Variants in UBE2E2 observed in about 807,000 individuals in gnomAD.
UBE2E2 encodes the protein ubiquitin-conjugating enzyme E2 E2.
UBE2E2 carries 6 observed loss-of-function variants against 24.7 expected under a neutral mutation model. The observed-to-expected ratio is 0.24, with a 90% CI of 0.13 to 0.48. The LOEUF (loss-of-function observed/expected upper bound fraction) is 0.48. UBE2E2 is among the 20% of genes least tolerant of loss of function. The pLI is 0.99. For synonymous variants in UBE2E2, 104 were observed against 83.6 expected, an observed-to-expected ratio of 1.24 and a Z score of -1.33; for missense variants, 169 against 245.0, an observed-to-expected ratio of 0.69 and a Z score of 2.07.
intron 3 of UBE2E2, among the ~76,000 whole-genome samples, chr3:23,228,431 T>G (rs1696881747): frequency 1.3e-5 from 2 of 152,196 alleles, no homozygotes; most frequent in African/African-American, 4.8e-5. Flanking sequence ...ATAGGAAGTG[T>G]CATATTACTC....
intron 3 of UBE2E2, among the ~76,000 whole-genome samples, chr3:23,268,072 A>G (rs983169600): frequency 1.4e-4 from 21 of 151,998 alleles, no homozygotes; most frequent in African/African-American, 4.8e-4. Context: ...AATAAGAGCT[A>G]TCTATGACAA....
intron 2 of UBE2E2, among the ~76,000 whole-genome samples, chr3:23,211,088 C>T (rs1352318696): frequency 6.6e-6 from 1 of 152,094 alleles, no homozygotes; most frequent in Non-Finnish European, 1.5e-5. Flanking sequence ...ACTGCCATGT[C>T]CACAGTGCCT....
intron 3 of UBE2E2, among the ~76,000 whole-genome samples, chr3:23,366,769 TAAAAA>T (rs879520118): frequency 1.3e-5 from 2 of 151,456 alleles, no homozygotes; most frequent in Non-Finnish European, 2.9e-5. Context: ...ACCTAAAAGT[TAAAAA>T]AAAGAAGAAA....
intron 5 of UBE2E2, among the ~76,000 whole-genome samples, chr3:23,571,801 C>G (rs1017009126): frequency 6.6e-6 from 1 of 152,138 alleles, no homozygotes; most frequent in Non-Finnish European, 1.5e-5. Context: ...CTCTTGGTAC[C>G]CTCCCGAAGT....
chr3:23,404,241 A>G (rs1175515192), intron 3 of UBE2E2, among the ~76,000 whole-genome samples: 2 of 152,164 alleles, frequency 1.3e-5, no homozygotes, highest in Non-Finnish European at 2.9e-5. Flanking sequence ...ATAAATAGCT[A>G]TATTGGTATT....
chr3:23,420,445 A>C (rs1448131444), intron 3 of UBE2E2, among the ~76,000 whole-genome samples: 1 of 152,248 alleles, frequency 6.6e-6, no homozygotes, highest in Non-Finnish European at 1.5e-5. Flanking sequence ...TCATAGTTTG[A>C]ATGACATATT....
At chr3:23,317,946 C>A (rs770303070) in intron 3 of UBE2E2, among the ~76,000 whole-genome samples, 1 of 151,680 alleles carries the variant, frequency 6.6e-6, no homozygotes, top group African/African-American at 2.4e-5. Context: ...TATGAAGGTG[C>A]TTTTTTGTGT....
At chr3:23,204,922 G>T in intron 1 of UBE2E2, 1 of 219,970 alleles carries the variant, frequency 4.5e-6, no homozygotes, top group Non-Finnish European at 7.7e-6. Context: ...AGTAGATACT[G>T]TTATAAGGCT....
intron 3 of UBE2E2, among the ~76,000 whole-genome samples, chr3:23,491,369 C>G (rs1699491143): frequency 6.6e-6 from 1 of 152,068 alleles, no homozygotes. Flanking sequence ...TCTTCTTCCC[C>G]CAAAATTAGA....
At chr3:23,344,247 A>T (rs1032330677) in intron 3 of UBE2E2, among the ~76,000 whole-genome samples, 4 of 152,028 alleles carry the variant, frequency 2.6e-5, no homozygotes, top group African/African-American at 7.2e-5. Context: ...AGTCCTTCAT[A>T]CTGAGGTCTC....
chr3:23,209,193 A>AT (rs1038107707), intron 2 of UBE2E2, among the ~76,000 whole-genome samples: 1 of 151,950 alleles, frequency 6.6e-6, no homozygotes, highest in Non-Finnish European at 1.5e-5. Context: ...GACCATAAAT[A>AT]TTTTTTTTCT....
intron 5 of UBE2E2, among the ~76,000 whole-genome samples, chr3:23,540,663 G>A (rs66864142): frequency 0.21 from 31,793 of 151,966 alleles, 3,596 homozygotes; most frequent in Non-Finnish European, 0.26. Context: ...TTGGCCTCCC[G>A]AAGTGCTAGG....
intron 5 of UBE2E2, among the ~76,000 whole-genome samples, chr3:23,533,556 C>A (rs1695174298): frequency 6.8e-6 from 1 of 147,594 alleles, no homozygotes; most frequent in South Asian, 2.1e-4. Context: ...AAATAACAGT[C>A]TTTCTACTTT....
At chr3:23,352,586 T>A (rs1695788138) in intron 3 of UBE2E2, among the ~76,000 whole-genome samples, 1 of 152,226 alleles carries the variant, frequency 6.6e-6, no homozygotes, top group African/African-American at 2.4e-5. Flanking sequence ...CAAACTACCA[T>A]CAGAGAATAC....
chr3:23,229,495 TTTGAG>T (rs1222171703), intron 3 of UBE2E2, among the ~76,000 whole-genome samples: 4 of 152,130 alleles, frequency 2.6e-5, no homozygotes, highest in Non-Finnish European at 5.9e-5. Context: ...TTCTTATGCT[TTTGAG>T]TTGAGGTGGG....
chr3:23,448,254 C>G (rs1444689407), intron 3 of UBE2E2, among the ~76,000 whole-genome samples: 1 of 152,140 alleles, frequency 6.6e-6, no homozygotes. Flanking sequence ...AGTTCCACCC[C>G]TAGGAACTTA....
chr3:23,550,650 C>T (rs1393856813), intron 5 of UBE2E2, among the ~76,000 whole-genome samples: 1 of 152,162 alleles, frequency 6.6e-6, no homozygotes. Flanking sequence ...CTACCTTAGA[C>T]TACCTTTCTA....
intron 1 of UBE2E2, among the ~76,000 whole-genome samples, chr3:23,207,933 A>G (rs1328897896): frequency 6.6e-6 from 1 of 152,164 alleles, no homozygotes; most frequent in East Asian, 1.9e-4. Context: ...ATCTAATTTA[A>G]GAACATTTTT....
chr3:23,555,658 A>G (rs1695759385), intron 5 of UBE2E2, among the ~76,000 whole-genome samples: 1 of 152,196 alleles, frequency 6.6e-6, no homozygotes, highest in Admixed American at 6.5e-5. Context: ...GTATACATAC[A>G]TACATACATA....
Sources: allele counts gnomAD v4.1 joint callset (sites outside exome capture counted in the v4.1 genomes callset), GRCh38; gene constraint gnomAD v4.1.1; transcripts MANE v1.5; gene names NCBI Gene and HGNC (gene_info 2026-07-23, HGNC 2026-07-21).